PLEC: variants seen among roughly 807,000 people sequenced by gnomAD.
PLEC encodes hemidesmosomal protein 1.
In PLEC, 216 loss-of-function variants were observed where a neutral mutation model predicts 392.8. The ratio of observed to expected loss-of-function variants is 0.55; its 90% CI spans 0.49 to 0.62. The LOEUF (loss-of-function observed/expected upper bound fraction) is 0.62. Ranked by LOEUF, PLEC falls within the 20% of genes least tolerant of loss-of-function variation. The probability of loss-of-function intolerance (pLI) is 0.00; values close to 1 mark genes in which losing one functional copy is unlikely to be tolerated. For synonymous variants in PLEC, 3,621 were observed against 2,980.6 expected (o/e 1.21, Z -7.00); for missense variants, 6,863 against 6,563.4 (o/e 1.05, Z -1.58).
chr8:143,930,992 CTG>C (rs1287922990), intron 19 of PLEC, among the ~76,000 whole-genome samples: 5 of 152,208 alleles, frequency 3.3e-5, no homozygotes, highest in Non-Finnish European at 5.9e-5. Flanking sequence ...TCACTCCCCA[CTG>C]TGCACCCGCC....
chr8:143,925,990 G>C, intron 30 of PLEC, 106 bp from the exon 31 acceptor site: 1 of 1,279,398 alleles, frequency 7.8e-7, no homozygotes, highest in Non-Finnish European at 1.1e-6. Context: ...GCGGAGCAGG[G>C]GTCGGGGAAG....
Position 143,929,565 on chromosome 8 carries a change from T to C in PLEC, c.2930A>G (p.Gln977Arg), listed in dbSNP as rs782655797. 1.2e-6 allele frequency: 2 copies of C among 1,612,538 alleles called. No homozygotes were observed. Among genetic ancestry groups the C allele is most frequent in the Non-Finnish European group, 1.7e-6 (2 of 1,179,912 alleles). The change falls in exon 24 of 32, where the codon CAG (glutamine) becomes CGG (arginine). Residue 977 changes from glutamine (Q) to arginine (R), a missense_variant. Coordinates refer to ENST00000345136, the MANE Select transcript of PLEC (RefSeq NM_201384.3). ...GCAGCGCTGGCAGCGAGACTCTTCCTGTGCACCTGGGGAACACATGTGGGT... is the reference window on the plus strand; with the variant it reads ...GCAGCGCTGGCAGCGAGACTCTTCCCGTGCACCTGGGGAACACATGTGGGT... ...QLLQSLEQGA[Q>R]EESRCQRCIS...
At chr8:143,930,751 T>G (rs2131809360) in intron 19 of PLEC, among the ~76,000 whole-genome samples, 1 of 152,038 alleles carries the variant, frequency 6.6e-6, no homozygotes, top group African/African-American at 2.4e-5. Context: ...CAGGGCACCC[T>G]CCTCTCACCC....
At chr8:143,948,636 G>C (rs979208429) in intron 1 of PLEC, among the ~76,000 whole-genome samples, 26 of 152,332 alleles carry the variant, frequency 1.7e-4, no homozygotes, top group African/African-American at 5.8e-4. Flanking sequence ...TGTGGCTTTG[G>C]GGGGACTGAG....
rs1311705943 is a variant in PLEC at position 143,935,447 on chromosome 8, CTG to C, written c.603-136_603-135del. ...CCCAACACTCACCCTGAAAAATACA[CTG>C]TCACATGGGCAGAGCTGAGAGCACC... is the stretch of plus-strand genomic sequence containing the variant. On this transcript the variant is annotated intron_variant, in intron 6 of 31. Coordinates refer to ENST00000345136, the MANE Select transcript of PLEC (RefSeq NM_201384.3). The C allele has an allele frequency of 2.0e-5, 14 of 717,092 alleles. No individual in the cohort carries two copies. The East Asian group carries it at 3.2e-4, about 16-fold the overall frequency. 44.4% of individuals were successfully genotyped at this position (717,092 alleles called of 1,614,324 possible).
In PLEC at chr8:143,939,470, C is replaced by G. The variant is rs782548562; in HGVS notation, c.-9G>C. 1.9e-6 allele frequency: 3 copies of G among 1,608,746 alleles called. No homozygotes were observed. The highest frequency in any genetic ancestry group is 1.7e-6 in the Non-Finnish European group (2 of 1,178,512). Reference sequence around the variant, plus strand: ...AGCTGGTGCTGAGACATGCTGCCCCCACACCTTCGTCGCCCGGACCCTCGG... The same window carrying G: ...AGCTGGTGCTGAGACATGCTGCCCCGACACCTTCGTCGCCCGGACCCTCGG... On this transcript the variant is annotated 5_prime_UTR_variant, in exon 1 of 32. Transcript: ENST00000345136.
upstream of PLEC, among the ~76,000 whole-genome samples, chr8:143,943,575 C>G (rs781835098): frequency 6.6e-6 from 1 of 152,196 alleles, no homozygotes; most frequent in Admixed American, 6.5e-5. Context: ...AGGCTGCAGG[C>G]TGAGGGCCAC....
upstream of PLEC, among the ~76,000 whole-genome samples, chr8:143,952,090 G>A (rs1313898315): frequency 2.0e-5 from 3 of 152,210 alleles, no homozygotes; most frequent in South Asian, 2.1e-4. Flanking sequence ...CGAGGTGGGA[G>A]GCGCTGGCCA....
At chr8:143,939,681 C>G, upstream of PLEC, 1 of 1,386,780 alleles carries the variant, frequency 7.2e-7, no homozygotes, top group Non-Finnish European at 9.4e-7. Context: ...AGGCCGCCGC[C>G]AGGGAGGGGA....
At chr8:143,938,285 C>T (rs766432010) in intron 2 of PLEC, 45 bp from the exon 3 acceptor site, 14 of 1,550,276 alleles carry the variant, frequency 9.0e-6, no homozygotes, top group Non-Finnish European at 1.2e-5. Flanking sequence ...CCCAGAGCCA[C>T]CAATAGGCCC....
In PLEC at chr8:143,932,867, G is replaced by A. The variant is rs1476756357; in HGVS notation, c.1663C>T (p.Leu555=). 2.1e-5 allele frequency: 34 copies of A among 1,610,906 alleles called. 1 individual carries two copies. In the Middle Eastern group the frequency reaches 4.9e-4, roughly 23 times the overall value. The change falls in exon 14 of 32, where the codon CTG becomes TTG. Residue 555 remains leucine (L), a synonymous_variant. Coordinates refer to ENST00000345136, the MANE Select transcript of PLEC (RefSeq NM_201384.3). ...GVDLPSVEAQ[L]GSHRGLHQSI... is the part of the protein sequence containing the mutation. ...TGGTGCAGGCCTCGGTGGCTGCCCAGCTGCGCCTCCACGCTGGGCAGGTCC... is the reference window on the plus strand; with the variant it reads ...TGGTGCAGGCCTCGGTGGCTGCCCAACTGCGCCTCCACGCTGGGCAGGTCC...
chr8:143,920,205 C>G lies in PLEC; in HGVS notation c.9616G>C (p.Gly3206Arg). The G allele has an allele frequency of 1.2e-6, 2 of 1,609,336 alleles. No individual in the cohort carries two copies. Among genetic ancestry groups the G allele is most frequent in the Non-Finnish European group, 1.7e-6 (2 of 1,179,594 alleles). The change falls in exon 32 of 32, where the codon GGG becomes CGG. Residue 3206 changes from glycine to arginine, a missense_variant. Transcript: ENST00000345136. ...TCTGAGAGCGGCAGCAGGCTCAGCC[C>G]GGTCAGCTGGTCGGGCCGGCACCGC... The part of the protein sequence containing the change: ...QQRCRPDQLT[G>R]LSLLPLSEKA...
intron 1 of PLEC, among the ~76,000 whole-genome samples, chr8:143,964,998 C>G (rs1231866254): frequency 2.8e-5 from 4 of 142,346 alleles, no homozygotes; most frequent in Non-Finnish European, 6.2e-5. Context: ...CCAACCCCCA[C>G]CCCCCCGCCC....
Position 143,922,808 on chromosome 8 carries a change from C to A in PLEC, c.7121G>T (p.Arg2374Leu). The A allele has an allele frequency of 1.3e-6, 2 of 1,585,994 alleles. No homozygotes were observed. The highest frequency in any genetic ancestry group is 1.7e-6 in the Non-Finnish European group (2 of 1,169,258). Reference protein sequence around the residue: ...FQRTLEAERQRQLEMSAEAER... With the variant: ...FQRTLEAERQLQLEMSAEAER... The stretch of plus-strand genomic sequence containing the variant: ...AGCCTCAGCGCTCATCTCCAGCTGC[C>A]GCTGCCGCTCGGCCTCCAGCGTCCG... The change falls in exon 31 of 32, where the codon CGG (arginine) becomes CTG (leucine). Residue 2374 changes from arginine (R) to leucine (L), a missense_variant. Coordinates refer to ENST00000345136, the MANE Select transcript of PLEC (RefSeq NM_201384.3).
rs1304215681 is a variant in PLEC, at chr8:143,924,385, G to C, written c.5544C>G (p.Leu1848=). The C allele has an allele frequency of 3.8e-6, 6 of 1,595,840 alleles. No homozygotes were observed. Among genetic ancestry groups the C allele is most frequent in the Non-Finnish European group, 5.1e-6 (6 of 1,178,310 alleles). The change falls in exon 31 of 32, where the codon CTC becomes CTG. Residue 1848 remains leucine, a synonymous_variant. Coordinates refer to ENST00000345136, the MANE Select transcript of PLEC (RefSeq NM_201384.3). ...TGAGCGCGATCTCCGCCTCCGTCTT[G>C]AGCCGCGTGGCCTCGCCGATGGCGG... ...KLAAIGEATR[L]KTEAEIALKE... is the part of the protein sequence containing the mutation.
chr8:143,952,227 C>T (rs1160051007), upstream of PLEC, among the ~76,000 whole-genome samples: 1 of 145,106 alleles, frequency 6.9e-6, no homozygotes, highest in Non-Finnish European at 1.5e-5. Context: ...CACACGCACG[C>T]GCACGCGCAC....
At chr8:143,942,574 G>T, upstream of PLEC, 1 of 1,486,220 alleles carries the variant, frequency 6.7e-7, no homozygotes, top group South Asian at 1.3e-5. Flanking sequence ...CTGGACCGCG[G>T]CGGCGCCTCT....
At chr8:143,936,035 G>A (rs931456568) in intron 5 of PLEC, 21 bp from the exon 6 acceptor site, 5 of 1,609,472 alleles carry the variant, frequency 3.1e-6, no homozygotes, top group Non-Finnish European at 4.2e-6. Context: ...CAGAGAGGAG[G>A]CCACAGCTCA....
At chr8:143,938,128 G>A (rs375148828) in intron 3 of PLEC, 23 bp downstream of exon 3, 17 of 1,573,626 alleles carry the variant, frequency 1.1e-5, no homozygotes, top group Middle Eastern at 1.7e-4. Context: ...GGCGGGGCCC[G>A]GAGGGGGCAG....
Sources: allele counts gnomAD v4.1 joint callset (sites outside exome capture counted in the v4.1 genomes callset), GRCh38; gene constraint gnomAD v4.1.1; transcripts MANE v1.5; gene names NCBI Gene and HGNC (gene_info 2026-07-23, HGNC 2026-07-21).